LYRM4: variants seen among roughly 807,000 people sequenced by gnomAD.
LYRM4 encodes LYR motif-containing protein 4.
LYRM4 carries 9 observed loss-of-function variants against 11.7 expected under a neutral mutation model. That is an observed-to-expected ratio of 0.77 (90% CI 0.46 to 1.34). LYRM4 has a LOEUF of 1.34. LYRM4 is among the 40% of genes most tolerant of loss of function. The pLI is 0.00. For missense variants in LYRM4, 133 were observed against 112.5 expected (o/e 1.18, Z -0.82); for synonymous variants, 42 against 40.4 (o/e 1.04, Z -0.15).
intron 1 of LYRM4, among the ~76,000 whole-genome samples, chr6:5,247,515 A>G (rs1764247786): frequency 6.6e-6 from 1 of 152,374 alleles, no homozygotes; most frequent in Admixed American, 6.5e-5. Flanking sequence ...TTAAAACAAT[A>G]TCACTCTTAG....
chr6:5,087,690 G>A, the LYRM4 span: 152,464 of 152,464 alleles, frequency 1, 76,232 homozygotes, highest in Non-Finnish European at 1. Flanking sequence ...TGGAAGAGGA[G>A]GCATGCCCAG....
chr6:5,260,187 G>C (rs1764940470), intron 1 of LYRM4, among the ~76,000 whole-genome samples: 1 of 152,164 alleles, frequency 6.6e-6, no homozygotes, highest in South Asian at 2.1e-4. Context: ...ACGACACCTA[G>C]GAAATTTTAG....
At chr6:5,242,246 G>A (rs1455737634) in intron 1 of LYRM4, among the ~76,000 whole-genome samples, 1 of 151,498 alleles carries the variant, frequency 6.6e-6, no homozygotes, top group Non-Finnish European at 1.5e-5. Context: ...CTAATTTTTT[G>A]TATTTTTAGT....
the LYRM4 span, among the ~76,000 whole-genome samples, chr6:5,096,006 C>T: frequency 1.4e-4 from 22 of 151,966 alleles, no homozygotes; most frequent in Non-Finnish European, 2.8e-4. Flanking sequence ...AAAAACAAAA[C>T]AAAACAAACC....
chr6:5,172,115 G>A (rs1011863239), intron 2 of LYRM4, among the ~76,000 whole-genome samples: 1 of 152,134 alleles, frequency 6.6e-6, no homozygotes, highest in Non-Finnish European at 1.5e-5. Context: ...CTGCATTCAG[G>A]AACCCTTCAC....
intron 2 of LYRM4, among the ~76,000 whole-genome samples, chr6:5,213,323 G>A (rs1203745659): frequency 3.3e-5 from 5 of 152,204 alleles, no homozygotes; most frequent in East Asian, 1.9e-4. Context: ...GTTATGGGAC[G>A]CGGGGGTGGA....
chr6:5,091,306 G>A, the LYRM4 span, among the ~76,000 whole-genome samples: 2 of 152,188 alleles, frequency 1.3e-5, no homozygotes, highest in Non-Finnish European at 2.9e-5. Flanking sequence ...AAGTGGGCAG[G>A]TGCTTGGAAA....
chr6:5,118,096 T>TATATATATATATTTTTTTTTG (rs1554126841), intron 2 of LYRM4, among the ~76,000 whole-genome samples: 3 of 78,706 alleles, frequency 3.8e-5, no homozygotes, highest in Non-Finnish European at 4.6e-5. Flanking sequence ...ATATATATAT[T>TATATATATATATTTTTTTTTG]TTTGTTTTGT....
chr6:5,044,534 C>T, the LYRM4 span, among the ~76,000 whole-genome samples: 3 of 152,240 alleles, frequency 2.0e-5, no homozygotes, highest in Non-Finnish European at 1.5e-5. Flanking sequence ...ACTTCCAGAT[C>T]ACCATGTGCA....
intron 1 of LYRM4, among the ~76,000 whole-genome samples, chr6:5,227,156 G>GT (rs1458634428): frequency 1.3e-5 from 2 of 152,176 alleles, no homozygotes; most frequent in Non-Finnish European, 2.9e-5. Context: ...CAGAAATAAG[G>GT]TTGTGGAGCT....
the LYRM4 span, among the ~76,000 whole-genome samples, chr6:5,045,314 A>C: frequency 2.6e-5 from 4 of 152,222 alleles, no homozygotes; most frequent in African/African-American, 7.2e-5. Context: ...CACGTGCTAC[A>C]ACATGGATGG....
intron 1 of LYRM4, among the ~76,000 whole-genome samples, chr6:5,224,133 T>A (rs887984690): frequency 6.6e-6 from 1 of 152,230 alleles, no homozygotes; most frequent in African/African-American, 2.4e-5. Context: ...CTCCTATTCA[T>A]CTTTAAAGAC....
chr6:5,256,490 GGAAAAA>G lies in LYRM4; in HGVS notation c.86+4152_86+4157del, dbSNP rs1309268698. 1.0e-3 allele frequency among the ~76,000 whole-genome samples: 39 copies of G among 37,518 alleles called. 1 individual carries two copies. The highest frequency in any genetic ancestry group is 3.4e-3 in the East Asian group (3 of 884). 24.6% of individuals were successfully genotyped at this position (37,518 alleles called of 152,430 possible). On this transcript the variant is annotated intron_variant, in intron 1 of 2. Transcript: ENST00000330636. ...GGGCAACAAGGGCAAGATTTCAACT[GGAAAAA>G]AAAAAAAAAAAAAAAAAAAAAAAAA...
intron 2 of LYRM4, among the ~76,000 whole-genome samples, chr6:5,120,567 G>C (rs944787562): frequency 6.6e-6 from 1 of 152,220 alleles, no homozygotes; most frequent in Non-Finnish European, 1.5e-5. Context: ...CCAGTGGGTT[G>C]CTGCTGCTGG....
intron 2 of LYRM4, among the ~76,000 whole-genome samples, chr6:5,206,233 G>C (rs1761689440): frequency 6.6e-6 from 1 of 152,174 alleles, no homozygotes; most frequent in East Asian, 1.9e-4. Flanking sequence ...GGCATGAAAG[G>C]GACCTTAGAG....
chr6:5,082,634 G>C, the LYRM4 span, among the ~76,000 whole-genome samples: 1 of 152,154 alleles, frequency 6.6e-6, no homozygotes, highest in Admixed American at 6.5e-5. Flanking sequence ...GCCTCCTATG[G>C]GGCTCACTCA....
intron 2 of LYRM4, among the ~76,000 whole-genome samples, chr6:5,160,046 A>T (rs1008473376): frequency 2.6e-5 from 4 of 152,162 alleles, no homozygotes; most frequent in Non-Finnish European, 5.9e-5. Context: ...CAGTTCGAGG[A>T]CCACCCATCC....
chr6:5,160,608 G>C (rs2127653406), intron 2 of LYRM4, among the ~76,000 whole-genome samples: 1 of 151,798 alleles, frequency 6.6e-6, no homozygotes, highest in Non-Finnish European at 1.5e-5. Flanking sequence ...TGCCATGTGA[G>C]ATGTGCCTTT....
chr6:5,188,637 T>TA (rs1367523220), intron 2 of LYRM4, among the ~76,000 whole-genome samples: 1 of 152,204 alleles, frequency 6.6e-6, no homozygotes, highest in Admixed American at 6.5e-5. Context: ...TGACAATGGG[T>TA]AAGTTAACCT....
Sources: allele counts gnomAD v4.1 joint callset (sites outside exome capture counted in the v4.1 genomes callset), GRCh38; gene constraint gnomAD v4.1.1; transcripts MANE v1.5; gene names NCBI Gene and HGNC (gene_info 2026-07-23, HGNC 2026-07-21).